The following DLGAP1 variants were observed in gnomAD, a reference collection of about 807,000 sequenced individuals.
The protein encoded by DLGAP1 is disks large-associated protein 1.
In DLGAP1, 11 loss-of-function variants were observed where a neutral mutation model predicts 90.8. The observed-to-expected ratio is 0.12, with a 90% CI of 0.08 to 0.20. The LOEUF is 0.20. Ranked by LOEUF, DLGAP1 falls within the 10% of genes least tolerant of loss-of-function variation. DLGAP1 has a pLI of 1.00. For missense variants in DLGAP1, 1,050 were observed against 1,333.8 expected, an observed-to-expected ratio of 0.79 and a Z score of 3.31; for synonymous variants, 558 against 540.7, an observed-to-expected ratio of 1.03 and a Z score of -0.44.
chr18:4,004,794 T>C (rs1344438561), intron 3 of DLGAP1, among the ~76,000 whole-genome samples: 1 of 152,044 alleles, frequency 6.6e-6, no homozygotes, highest in African/African-American at 2.4e-5. Flanking sequence ...GAATAGAGCA[T>C]TGATTTCTGA....
intron 10 of DLGAP1, among the ~76,000 whole-genome samples, chr18:3,518,602 A>G (rs78292626): frequency 0.037 from 5,599 of 152,264 alleles, 340 homozygotes; most frequent in African/African-American, 0.13. Context: ...TGTGTGGGAA[A>G]AAGTGTAGGT....
intron 4 of DLGAP1, among the ~76,000 whole-genome samples, chr18:3,818,680 C>CA (rs1464283036): frequency 6.6e-6 from 1 of 151,610 alleles, no homozygotes; most frequent in Non-Finnish European, 1.5e-5. Context: ...TAGCTCACTG[C>CA]AACCCCTGCC....
chr18:4,312,126 C>T (rs2080416429), intron 1 of DLGAP1, among the ~76,000 whole-genome samples: 1 of 152,212 alleles, frequency 6.6e-6, no homozygotes, highest in Non-Finnish European at 1.5e-5. Flanking sequence ...GCTGGGACTA[C>T]AGGCATGAGC....
At chr18:3,522,104 T>C (rs1293679851) in intron 10 of DLGAP1, among the ~76,000 whole-genome samples, 1 of 151,676 alleles carries the variant, frequency 6.6e-6, no homozygotes, top group Admixed American at 6.6e-5. Context: ...TTTGCCTTTT[T>C]TTTTTTACCC....
chr18:3,533,946 A>C (rs369443821), intron 10 of DLGAP1, among the ~76,000 whole-genome samples: 6 of 152,128 alleles, frequency 3.9e-5, no homozygotes, highest in African/African-American at 1.4e-4. Flanking sequence ...TTTCAGAAAG[A>C]AAAAGAACGT....
chr18:4,279,508 C>T (rs879282446), intron 1 of DLGAP1, among the ~76,000 whole-genome samples: 27 of 152,150 alleles, frequency 1.8e-4, no homozygotes, highest in Non-Finnish European at 2.9e-4. Flanking sequence ...TTGACTGAAT[C>T]TTGGTGCTGG....
intron 1 of DLGAP1, among the ~76,000 whole-genome samples, chr18:4,448,330 C>A (rs1199601740): frequency 1.3e-5 from 2 of 152,142 alleles, no homozygotes; most frequent in East Asian, 3.8e-4. Context: ...AGGAGTTTAA[C>A]TAGGTCTTGC....
At chr18:4,445,236 T>C (rs2083631856) in intron 1 of DLGAP1, among the ~76,000 whole-genome samples, 1 of 152,084 alleles carries the variant, frequency 6.6e-6, no homozygotes, top group South Asian at 2.1e-4. Flanking sequence ...CTACTCCCAA[T>C]ATCTTTACAC....
chr18:4,371,771 A>T (rs894216230), intron 1 of DLGAP1, among the ~76,000 whole-genome samples: 28 of 152,210 alleles, frequency 1.8e-4, no homozygotes, highest in Admixed American at 3.9e-4. Context: ...AGCTTTCTGA[A>T]TACATCATCC....
intron 2 of DLGAP1, among the ~76,000 whole-genome samples, chr18:4,144,437 C>T (rs2076549109): frequency 6.6e-6 from 1 of 152,170 alleles, no homozygotes; most frequent in African/African-American, 2.4e-5. Flanking sequence ...GTTCTCCCTC[C>T]CCCCAGGCAC....
chr18:3,889,840 T>G (rs186092471), intron 3 of DLGAP1, among the ~76,000 whole-genome samples: 15 of 152,156 alleles, frequency 9.9e-5, no homozygotes, highest in Admixed American at 3.3e-4. Flanking sequence ...GAAGCCAGAG[T>G]TGATGCTATT....
At chr18:3,990,540 G>A (rs553805593) in intron 3 of DLGAP1, among the ~76,000 whole-genome samples, 11 of 149,956 alleles carry the variant, frequency 7.3e-5, no homozygotes, top group South Asian at 6.3e-4. Context: ...GCTAAATGAC[G>A]AGTTAATGGG....
intron 1 of DLGAP1, among the ~76,000 whole-genome samples, chr18:4,433,596 G>T (rs571107115): frequency 1.3e-5 from 2 of 152,144 alleles, no homozygotes; most frequent in African/African-American, 2.4e-5. Context: ...TGCCCTCATG[G>T]ACCTCACACT....
chr18:4,199,100 G>T (rs1250286916), intron 1 of DLGAP1, among the ~76,000 whole-genome samples: 1 of 152,238 alleles, frequency 6.6e-6, no homozygotes, highest in Admixed American at 6.5e-5. Flanking sequence ...AATGAGAGGA[G>T]CATTTGCAAG....
At chr18:3,834,077 C>T (rs188727682) in intron 4 of DLGAP1, among the ~76,000 whole-genome samples, 15 of 151,998 alleles carry the variant, frequency 9.9e-5, no homozygotes, top group South Asian at 8.3e-4. Context: ...GAGGCCGAGG[C>T]GGGTGGATCA....
At chr18:3,859,728 C>T (rs1237034393) in intron 4 of DLGAP1, among the ~76,000 whole-genome samples, 1 of 152,128 alleles carries the variant, frequency 6.6e-6, no homozygotes, top group Admixed American at 6.5e-5. Flanking sequence ...CCAGAAGGAA[C>T]ATAGCCCTAC....
chr18:3,874,376 G>C, intron 4 of DLGAP1: 1 of 1,478,670 alleles, frequency 6.8e-7, no homozygotes, highest in Non-Finnish European at 9.0e-7. Context: ...CTGAATGAAT[G>C]CAAAATACAC....
At chr18:4,357,629 G>C (rs150303160) in intron 1 of DLGAP1, among the ~76,000 whole-genome samples, 2 of 152,252 alleles carry the variant, frequency 1.3e-5, no homozygotes, top group African/African-American at 4.8e-5. Context: ...GGTGTAGCTG[G>C]AGTAGCCTAC....
At chr18:3,566,244 G>A (rs1293050201) in intron 9 of DLGAP1, among the ~76,000 whole-genome samples, 1 of 151,970 alleles carries the variant, frequency 6.6e-6, no homozygotes, top group Non-Finnish European at 1.5e-5. Context: ...CAATTGGTAC[G>A]GATAGATGTG....
Sources: gnomAD v4.1 joint callset for allele counts (sites outside exome capture counted in the v4.1 genomes callset) on GRCh38, gnomAD v4.1.1 for gene constraint, MANE v1.5 for transcripts, NCBI Gene and HGNC (gene_info 2026-07-23, HGNC 2026-07-21) for gene names.